Variants in TEX36 observed in about 807,000 individuals in gnomAD.
TEX36 encodes testis-expressed protein 36.
A neutral mutation model predicts 13.6 loss-of-function variants in TEX36; 12 were observed. The observed-to-expected ratio is 0.88, with a 90% CI of 0.56 to 1.43. The LOEUF (loss-of-function observed/expected upper bound fraction) is 1.43. Among genes scored for constraint, TEX36 ranks in the 40% most tolerant of loss-of-function variants. TEX36 has a pLI of 0.00. For missense variants in TEX36, 224 were observed against 228.3 expected, an observed-to-expected ratio of 0.98 and a Z score of 0.12; for synonymous variants, 93 against 83.0, an observed-to-expected ratio of 1.12 and a Z score of -0.65.
chr10:125,667,744 G>A (rs943089944), intron 1 of TEX36: 12 of 806,726 alleles, frequency 1.5e-5, no homozygotes, highest in Middle Eastern at 2.6e-4. Flanking sequence ...AGGGGTTCAC[G>A]CAGTCGTCAG....
chr10:125,648,148 A>G (rs1846800895), intron 3 of TEX36, among the ~76,000 whole-genome samples: 1 of 152,242 alleles, frequency 6.6e-6, no homozygotes, highest in African/African-American at 2.4e-5. Flanking sequence ...AGCTTTGAAG[A>G]GAGTAGTGGT....
chr10:125,578,546 C>T (rs1845852237), intron 3 of TEX36: 1 of 152,226 alleles, frequency 6.6e-6, no homozygotes, highest in Admixed American at 6.5e-5. Flanking sequence ...GTTCATTTGG[C>T]TATGGGCTTA....
At chr10:125,586,216 A>G (rs1174906691) in intron 3 of TEX36, among the ~76,000 whole-genome samples, 1 of 152,208 alleles carries the variant, frequency 6.6e-6, no homozygotes, top group East Asian at 1.9e-4. Context: ...CCAATGTATT[A>G]TCTTTATAAA....
intron 1 of TEX36, among the ~76,000 whole-genome samples, chr10:125,663,298 G>A (rs185642159): frequency 3.9e-5 from 6 of 152,274 alleles, no homozygotes; most frequent in Admixed American, 6.5e-5. Flanking sequence ...TTCTCCATTC[G>A]TCAATTTATG....
chr10:125,619,940 T>C (rs1373960051), downstream of TEX36, among the ~76,000 whole-genome samples: 1 of 152,050 alleles, frequency 6.6e-6, no homozygotes. Context: ...GCATGTATCA[T>C]TGTAAAAATT....
chr10:125,639,878 G>C (rs940585369), intron 3 of TEX36, among the ~76,000 whole-genome samples: 1 of 152,156 alleles, frequency 6.6e-6, no homozygotes, highest in Non-Finnish European at 1.5e-5. Context: ...GAACTATAAC[G>C]GCAGATGTTA....
chr10:125,625,044 C>T (rs1846469781), intron 3 of TEX36, among the ~76,000 whole-genome samples: 1 of 152,168 alleles, frequency 6.6e-6, no homozygotes, highest in African/African-American at 2.4e-5. Flanking sequence ...GGCAATCTCT[C>T]CAGATCTGGC....
At chr10:125,621,142 A>G (rs1258185343), downstream of TEX36, among the ~76,000 whole-genome samples, 2 of 152,206 alleles carry the variant, frequency 1.3e-5, no homozygotes, top group Non-Finnish European at 2.9e-5. Context: ...GTATATATTC[A>G]AAATATTATT....
intron 3 of TEX36, among the ~76,000 whole-genome samples, chr10:125,632,470 T>C (rs908212630): frequency 1.3e-5 from 2 of 152,116 alleles, no homozygotes; most frequent in African/African-American, 2.4e-5. Flanking sequence ...TAGACTTAGC[T>C]GGATAAACGG....
chr10:125,655,311 G>A (rs1846921622), downstream of TEX36, among the ~76,000 whole-genome samples: 1 of 152,102 alleles, frequency 6.6e-6, no homozygotes, highest in African/African-American at 2.4e-5. Flanking sequence ...CCAGCGTGAT[G>A]GTGCACACCT....
intron 3 of TEX36, among the ~76,000 whole-genome samples, chr10:125,581,347 C>T (rs1706319073): frequency 6.6e-6 from 1 of 152,108 alleles, no homozygotes; most frequent in Non-Finnish European, 1.5e-5. Flanking sequence ...GGCCCTGTTG[C>T]CCCTAGCATA....
At chr10:125,617,438 C>T (rs1382826393), downstream of TEX36, among the ~76,000 whole-genome samples, 1 of 152,194 alleles carries the variant, frequency 6.6e-6, no homozygotes, top group African/African-American at 2.4e-5. Context: ...TTGTTCCTTT[C>T]CATGCTTAGC....
intron 3 of TEX36, among the ~76,000 whole-genome samples, chr10:125,633,750 T>TAG (rs1481647320): frequency 6.6e-6 from 1 of 152,198 alleles, no homozygotes; most frequent in African/African-American, 2.4e-5. Context: ...GATTGGTGAG[T>TAG]ACTTTCTAAG....
At chr10:125,600,953 A>T (rs539726706) in intron 3 of TEX36, among the ~76,000 whole-genome samples, 3 of 152,356 alleles carry the variant, frequency 2.0e-5, no homozygotes, top group Admixed American at 2.0e-4. Flanking sequence ...TTAGCAAGCA[A>T]GAGCAATTGC....
At chr10:125,634,528 G>A (rs144841761) in intron 3 of TEX36, among the ~76,000 whole-genome samples, 1 of 152,268 alleles carries the variant, frequency 6.6e-6, no homozygotes, top group Non-Finnish European at 1.5e-5. Context: ...TGTGATCACA[G>A]CTATTAAATA....
chr10:125,666,416 G>A (rs1847122438), intron 1 of TEX36, among the ~76,000 whole-genome samples: 1 of 152,134 alleles, frequency 6.6e-6, no homozygotes, highest in Non-Finnish European at 1.5e-5. Flanking sequence ...AAGCGATGTT[G>A]AATTTTATCA....
chr10:125,634,008 T>G (rs1846593443), intron 3 of TEX36, among the ~76,000 whole-genome samples: 1 of 152,148 alleles, frequency 6.6e-6, no homozygotes, highest in African/African-American at 2.4e-5. Flanking sequence ...CTTTACTTTC[T>G]TGGATTAAAA....
At chr10:125,597,839 A>T (rs1291904369) in intron 3 of TEX36, among the ~76,000 whole-genome samples, 8 of 152,242 alleles carry the variant, frequency 5.3e-5, no homozygotes, top group Non-Finnish European at 1.0e-4. Context: ...TTCCAAAAAC[A>T]ACTCAAGGAC....
downstream of TEX36, among the ~76,000 whole-genome samples, chr10:125,651,624 A>G (rs1412898574): frequency 6.6e-6 from 1 of 152,172 alleles, no homozygotes; most frequent in African/African-American, 2.4e-5. Flanking sequence ...CCTATTCAAC[A>G]TAGTGTTGGA....
Sources: allele counts gnomAD v4.1 joint callset (sites outside exome capture counted in the v4.1 genomes callset), GRCh38; gene constraint gnomAD v4.1.1; transcripts MANE v1.5; gene names NCBI Gene and HGNC (gene_info 2026-07-23, HGNC 2026-07-21).